TENT5C: variants seen among roughly 807,000 people sequenced by gnomAD.
TENT5C encodes family with sequence similarity 46 member C.
In TENT5C, 5 loss-of-function variants were observed where a neutral mutation model predicts 22.2. That is an observed-to-expected ratio of 0.22 (90% CI 0.12 to 0.47). The LOEUF (loss-of-function observed/expected upper bound fraction) is 0.47, where lower values mean the gene tolerates loss of function less well. TENT5C is among the 20% of genes least tolerant of loss of function. The probability of loss-of-function intolerance (pLI) is 0.99; values close to 1 mark genes in which losing one functional copy is unlikely to be tolerated. For missense variants in TENT5C, 364 were observed against 500.9 expected (o/e 0.73, Z 2.61); for synonymous variants, 199 against 195.4 (o/e 1.02, Z -0.15).
intron 1 of TENT5C, among the ~76,000 whole-genome samples, 187 bp from the exon 2 acceptor site, chr1:117,622,655 C>T (rs1570863876): frequency 6.6e-6 from 1 of 152,184 alleles, no homozygotes; most frequent in Non-Finnish European, 1.5e-5. Context: ...GTGTTTTTGT[C>T]CTTCTCTGCA....
At chr1:117,606,878 A>T (rs893989713) in intron 1 of TENT5C, among the ~76,000 whole-genome samples, 4 of 152,202 alleles carry the variant, frequency 2.6e-5, no homozygotes, top group African/African-American at 7.2e-5. Context: ...CGTCTCTCAG[A>T]AACTTCTTGG....
rs3050944 is a variant in TENT5C, at chr1:117,622,316, CGTGTGTGTGT to C, written c.-27-499_-27-490del. Among the ~76,000 whole-genome samples the C allele has an allele frequency of 6.1e-3, 915 of 149,512 alleles. 9 individuals carry two copies. Among genetic ancestry groups the C allele is most frequent in the African/African-American group, 0.018 (739 of 40,428 alleles). Reference sequence around the variant, plus strand: ...CATCTACTTGTGGAGTGAAGGAAGTCGTGTGTGTGTGTGTGTGTGTGTGTGTGTGTGTGTG... The same window carrying C: ...CATCTACTTGTGGAGTGAAGGAAGTCGTGTGTGTGTGTGTGTGTGTGTGTG... On this transcript the variant is annotated intron_variant, in intron 1 of 1. Coordinates refer to ENST00000369448, the MANE Select transcript of TENT5C (RefSeq NM_017709.4).
chr1:117,625,328 G>A lies in TENT5C; in HGVS notation c.*1284G>A, dbSNP rs1280878490. 4.0e-6 allele frequency: 1 copy of A among 248,006 alleles called. No homozygotes were observed. The highest frequency in any genetic ancestry group is 8.5e-6 in the Non-Finnish European group (1 of 118,136). The allele number at this position is 248,006 out of a possible 1,614,324, so 15.4% of individuals were successfully genotyped here. A position where few individuals can be genotyped will look rare whatever the true frequency, so the allele number is the denominator to read the frequency against. On this transcript the variant is annotated 3_prime_UTR_variant, in exon 2 of 2. Coordinates refer to ENST00000369448, the MANE Select transcript of TENT5C (RefSeq NM_017709.4). The stretch of plus-strand genomic sequence containing the variant: ...TTTGAAATCATTCCAGTATATTTGG[G>A]AAGAATTGAGTGAATGAGAATGCTC...
At chr1:117,612,466 A>C (rs146919437) in intron 1 of TENT5C, among the ~76,000 whole-genome samples, 22 of 152,280 alleles carry the variant, frequency 1.4e-4, no homozygotes, top group African/African-American at 4.8e-4. Context: ...TCAACAATTA[A>C]GTTTTATCAA....
chr1:117,615,391 C>T (rs1425048211), intron 1 of TENT5C, among the ~76,000 whole-genome samples: 1 of 152,240 alleles, frequency 6.6e-6, no homozygotes, highest in Non-Finnish European at 1.5e-5. Context: ...CCTCTTTGTT[C>T]TCCAGTTTTC....
At chr1:117,613,407 G>C (rs758639321) in intron 1 of TENT5C, among the ~76,000 whole-genome samples, 1 of 152,132 alleles carries the variant, frequency 6.6e-6, no homozygotes, top group Non-Finnish European at 1.5e-5. Context: ...GCTGTTTTGC[G>C]GCCACAGCAT....
In TENT5C at chr1:117,624,330, A is replaced by G; in HGVS notation, c.*286A>G. The G allele has an allele frequency of 2.4e-6, 1 of 412,200 alleles. No homozygotes were observed. Among genetic ancestry groups the G allele is most frequent in the Non-Finnish European group, 4.5e-6 (1 of 222,572 alleles). 25.5% of individuals were successfully genotyped at this position (412,200 alleles called of 1,614,324 possible). A position where few individuals can be genotyped will look rare whatever the true frequency, so the allele number is the denominator to read the frequency against. On this transcript the variant is annotated 3_prime_UTR_variant, in exon 2 of 2. Transcript: ENST00000369448. ...GACACTAACATGTCATGTCCCAAACATTAGCACGTGGGGGTTGAGCTCTGT... is the reference window on the plus strand; with the variant it reads ...GACACTAACATGTCATGTCCCAAACGTTAGCACGTGGGGGTTGAGCTCTGT...
chr1:117,607,860 G>GC (rs1384851402), intron 1 of TENT5C, among the ~76,000 whole-genome samples: 5 of 152,160 alleles, frequency 3.3e-5, no homozygotes, highest in African/African-American at 9.7e-5. Flanking sequence ...GAGCTGGGCT[G>GC]CAGGGGTTCT....
Position 117,623,927 on chromosome 1 carries a change from C to T in TENT5C, c.1059C>T (p.Val353=), listed in dbSNP as rs1183526943. The T allele has an allele frequency of 1.2e-6, 2 of 1,614,124 alleles. No individual in the cohort carries two copies. The highest frequency in any genetic ancestry group is 1.7e-6 in the Non-Finnish European group (2 of 1,180,016). The part of the protein sequence containing the change: ...EQNIIPSATN[V]TCYYQPAPYV... ...ACATCATCCCCAGTGCCACCAACGTCACCTGTTACTACCAGCCGGCCCCTT... is the reference window on the plus strand; with the variant it reads ...ACATCATCCCCAGTGCCACCAACGTTACCTGTTACTACCAGCCGGCCCCTT... Residue 353 remains valine (V), a synonymous_variant, in exon 2 of 2, where the codon GTC becomes GTT. Transcript: ENST00000369448.
At chr1:117,620,499 T>C (rs921314371) in intron 1 of TENT5C, among the ~76,000 whole-genome samples, 3 of 152,172 alleles carry the variant, frequency 2.0e-5, no homozygotes, top group African/African-American at 7.2e-5. Flanking sequence ...CACCAAACCA[T>C]AGTCTAGCTC....
intron 1 of TENT5C, among the ~76,000 whole-genome samples, chr1:117,608,027 A>G (rs888125231): frequency 6.6e-6 from 1 of 151,802 alleles, no homozygotes; most frequent in Non-Finnish European, 1.5e-5. Flanking sequence ...GGTATATTGT[A>G]TATAATTGTT....
rs1331364959 is a variant in TENT5C, at chr1:117,625,086, TTTTG to T, written c.*1046_*1049del. 4.0e-6 allele frequency: 1 copy of T among 247,000 alleles called. No individual in the cohort carries two copies. Among genetic ancestry groups the T allele is most frequent in the Non-Finnish European group, 8.5e-6 (1 of 118,118 alleles). 15.3% of individuals were successfully genotyped at this position (247,000 alleles called of 1,614,324 possible). A position where few individuals can be genotyped will look rare whatever the true frequency, so the allele number is the denominator to read the frequency against. On this transcript the variant is annotated 3_prime_UTR_variant, in exon 2 of 2. Coordinates refer to ENST00000369448, the MANE Select transcript of TENT5C (RefSeq NM_017709.4). Reference sequence around the variant, plus strand: ...GTTCTTCTGGAGTACTTTAGCTATTTTTTGTTTTTGTTCTTTTCGTTTTTTTTTT... The same window carrying T: ...GTTCTTCTGGAGTACTTTAGCTATTTTTTTTGTTCTTTTCGTTTTTTTTTT...
At chr1:117,621,598 G>A (rs1158354845) in intron 1 of TENT5C, among the ~76,000 whole-genome samples, 2 of 152,132 alleles carry the variant, frequency 1.3e-5, no homozygotes, top group Non-Finnish European at 2.9e-5. Context: ...AATGCATGCC[G>A]ATGTGTATTC....
chr1:117,623,489 C>G lies in TENT5C; in HGVS notation c.621C>G (p.His207Gln). ...ATAATCCCATCTCTGAGCACTTCCA[C>G]CCCACCGTGATTGGGGAGAGCATGT... ...CSNNPISEHF[H>Q]PTVIGESMYG... Residue 207 changes from histidine (H) to glutamine (Q), a missense_variant, in exon 2 of 2, where the codon CAC (histidine) becomes CAG (glutamine). His to Gln is a conservative substitution (Grantham distance 24). This residue lies in a region of TENT5C where 303 missense variants were observed against 394.5 expected (regional missense o/e 0.77). Transcript: ENST00000369448. The G allele has an allele frequency of 6.2e-7, 1 of 1,614,070 alleles. No homozygotes were observed. Among genetic ancestry groups the G allele is most frequent in the South Asian group, 1.1e-5 (1 of 91,064 alleles).
In TENT5C at chr1:117,628,057, G is replaced by A. The variant is rs1331371631; in HGVS notation, c.*4013G>A. On this transcript the variant is annotated 3_prime_UTR_variant, in exon 2 of 2. Transcript: ENST00000369448. The stretch of plus-strand genomic sequence containing the variant: ...AGTAGCTAAATACAGATCTGTGGGT[G>A]TTTTTAAAAAAACTCAACCTATCTG... 1 of 247,868 alleles carries A rather than the reference G, an allele frequency of 4.0e-6. No individual in the cohort carries two copies. The highest frequency in any genetic ancestry group is 8.5e-6 in the Non-Finnish European group (1 of 118,116). 15.4% of individuals were successfully genotyped at this position (247,868 alleles called of 1,614,324 possible).
intron 1 of TENT5C, among the ~76,000 whole-genome samples, chr1:117,612,420 TC>T (rs1243900819): frequency 2.6e-5 from 4 of 151,628 alleles, no homozygotes; most frequent in Non-Finnish European, 5.9e-5. Flanking sequence ...GCTGATAAAA[TC>T]TTCTGAGACT....
In TENT5C at chr1:117,627,847, T is replaced by TGTGTGTGTGTGTGTGTGC. The variant is rs1491584657; in HGVS notation, c.*3814_*3831dup. On this transcript the variant is annotated 3_prime_UTR_variant, in exon 2 of 2. Coordinates refer to ENST00000369448, the MANE Select transcript of TENT5C (RefSeq NM_017709.4). ...GTTAAGATCAGGAAATAAAAGACTG[T>TGTGTGTGTGTGTGTGTGC]GTGTGTGTGTGTGTGTGCGTGTGTG... The TGTGTGTGTGTGTGTGTGC allele has an allele frequency of 2.7e-5, 4 of 146,558 alleles. No individual in the cohort carries two copies. The highest frequency in any genetic ancestry group is 2.0e-4 in the Admixed American group (2 of 10,028). The allele number at this position is 146,558 out of a possible 1,614,324, so 9.1% of individuals were successfully genotyped here.
At position 117,623,690 on chromosome 1, in the gene TENT5C, C is replaced by G; in HGVS notation, c.822C>G (p.Phe274Leu). The change falls in exon 2 of 2, where the codon TTC (phenylalanine) becomes TTG (leucine). Residue 274 changes from phenylalanine (F) to leucine (L), a missense_variant. Physicochemically the swap from Phe to Leu is conservative, Grantham distance 22 (BLOSUM62 0). Coordinates refer to ENST00000369448, the MANE Select transcript of TENT5C (RefSeq NM_017709.4). ...KTLERYMCSR[F>L]FIDFPDILEQ... ...TAGAGCGCTACATGTGCTCCAGGTT[C>G]TTCATCGACTTCCCGGACATCCTTG... 6.2e-7 allele frequency: 1 copy of G among 1,614,142 alleles called. No homozygotes were observed. The highest frequency in any genetic ancestry group is 8.5e-7 in the Non-Finnish European group (1 of 1,180,030).
intron 1 of TENT5C, among the ~76,000 whole-genome samples, chr1:117,613,088 C>G (rs767837973): frequency 2.6e-5 from 4 of 152,312 alleles, no homozygotes; most frequent in Middle Eastern, 3.4e-3. Context: ...AAGGCAGGCT[C>G]TCTTTGGGGA....
Sources: allele counts gnomAD v4.1 joint callset (sites outside exome capture counted in the v4.1 genomes callset), GRCh38; gene constraint gnomAD v4.1.1; regional missense constraint gnomAD v4.1.1; transcripts MANE v1.5; gene names NCBI Gene and HGNC (gene_info 2026-07-23, HGNC 2026-07-21).